Variants in GALNTL6 observed in about 807,000 individuals in gnomAD.
GALNTL6 encodes polypeptide N-acetylgalactosaminyltransferase like 6, also known as polypeptide N-acetylgalactosaminyltransferase-like 6.
In GALNTL6, 46 loss-of-function variants were observed where a neutral mutation model predicts 73.7. The observed-to-expected ratio is 0.62, with a 90% CI of 0.49 to 0.80. The LOEUF (loss-of-function observed/expected upper bound fraction) is 0.80. Ranked by LOEUF, GALNTL6 falls within the 30% of genes least tolerant of loss-of-function variation. The pLI, the probability that GALNTL6 is intolerant of heterozygous loss-of-function variation, is 0.00. For missense variants in GALNTL6, 604 were observed against 755.0 expected, an observed-to-expected ratio of 0.80 and a Z score of 2.34; for synonymous variants, 259 against 263.7, an observed-to-expected ratio of 0.98 and a Z score of 0.17.
intron 5 of GALNTL6, among the ~76,000 whole-genome samples, chr4:172,697,382 G>T (rs538863386): frequency 6.6e-6 from 1 of 152,058 alleles, no homozygotes; most frequent in Non-Finnish European, 1.5e-5. Context: ...GACAAGCAGC[G>T]GAGATCTTGA....
At chr4:172,293,590 G>A (rs1739548648) in intron 3 of GALNTL6, among the ~76,000 whole-genome samples, 1 of 151,992 alleles carries the variant, frequency 6.6e-6, no homozygotes, top group Non-Finnish European at 1.5e-5. Context: ...CACCAGCACT[G>A]ACCTCTGTTC....
intron 5 of GALNTL6, among the ~76,000 whole-genome samples, chr4:172,807,575 C>T (rs1741037104): frequency 6.6e-6 from 1 of 152,100 alleles, no homozygotes; most frequent in Non-Finnish European, 1.5e-5. Flanking sequence ...AAAAACAATC[C>T]CCTAAATCCT....
intron 2 of GALNTL6, among the ~76,000 whole-genome samples, chr4:172,075,250 T>C (rs1208789249): frequency 2.6e-5 from 4 of 152,178 alleles, no homozygotes; most frequent in African/African-American, 9.6e-5. Context: ...TTTTTAAATA[T>C]TATAGGATTT....
At chr4:172,803,847 A>C (rs1424454403) in intron 5 of GALNTL6, among the ~76,000 whole-genome samples, 1 of 152,230 alleles carries the variant, frequency 6.6e-6, no homozygotes, top group African/African-American at 2.4e-5. Context: ...TACTAGAAGC[A>C]ATTAAACATG....
chr4:172,998,479 T>C (rs1191981150), intron 10 of GALNTL6, among the ~76,000 whole-genome samples: 1 of 152,204 alleles, frequency 6.6e-6, no homozygotes, highest in Non-Finnish European at 1.5e-5. Flanking sequence ...TTTTCTCCTG[T>C]ATATATCATT....
intron 2 of GALNTL6, among the ~76,000 whole-genome samples, chr4:171,832,187 G>T (rs370280639): frequency 1.3e-5 from 2 of 151,120 alleles, no homozygotes; most frequent in Non-Finnish European, 3.0e-5. Context: ...TTAAAATAAT[G>T]TGTTTTTAAA....
chr4:172,944,169 T>C (rs989049520), intron 9 of GALNTL6, among the ~76,000 whole-genome samples: 3 of 152,176 alleles, frequency 2.0e-5, no homozygotes, highest in Non-Finnish European at 4.4e-5. Context: ...TCAAAGGCAC[T>C]GTTAAGAGAA....
chr4:171,943,412 A>G lies in GALNTL6; in HGVS notation c.138+128694A>G, dbSNP rs1738607244. Among the ~76,000 whole-genome samples the G allele has an allele frequency of 5.9e-5, 9 of 152,170 alleles. 1 individual carries two copies. The South Asian group carries it at 1.9e-3, about 32-fold the overall frequency. On this transcript the variant is annotated intron_variant, in intron 2 of 12. Transcript: ENST00000506823. Reference sequence around the variant, plus strand: ...ATTTCCAAGTTAGAGATGGAATTTTACTTCTTGATTGCTGAAATTCTTCTA... The same window carrying G: ...ATTTCCAAGTTAGAGATGGAATTTTGCTTCTTGATTGCTGAAATTCTTCTA...
chr4:172,000,699 C>G (rs572950336), intron 2 of GALNTL6, among the ~76,000 whole-genome samples: 1 of 152,198 alleles, frequency 6.6e-6, no homozygotes, highest in African/African-American at 2.4e-5. Flanking sequence ...TCCACAGACA[C>G]CTGTGCCTTG....
chr4:172,228,055 A>G (rs187052804), intron 2 of GALNTL6, among the ~76,000 whole-genome samples: 2 of 152,256 alleles, frequency 1.3e-5, no homozygotes, highest in East Asian at 3.9e-4. Context: ...TGGGTTACAT[A>G]TTTCATATTC....
intron 5 of GALNTL6, among the ~76,000 whole-genome samples, chr4:172,770,797 G>C (rs866115807): frequency 6.6e-6 from 1 of 152,086 alleles, no homozygotes; most frequent in South Asian, 2.1e-4. Context: ...TATTGATCTT[G>C]TTCTAATTAC....
In GALNTL6 at chr4:171,976,676, G is replaced by T. The variant is rs185364997; in HGVS notation, c.138+161958G>T. Among the ~76,000 whole-genome samples, 176 of 152,222 alleles carry T rather than the reference G, an allele frequency of 1.2e-3. 1 individual carries two copies. Among genetic ancestry groups the T allele is most frequent in the Non-Finnish European group, 2.1e-3 (141 of 68,008 alleles). ...TAAATCTGCATTCTCAAGATTTTTG[G>T]GGTAAAGAGATATGTGGTCATATCC... On this transcript the variant is annotated intron_variant, in intron 2 of 12. Transcript: ENST00000506823.
intron 5 of GALNTL6, among the ~76,000 whole-genome samples, chr4:172,432,813 T>C (rs894957209): frequency 6.6e-6 from 1 of 152,072 alleles, no homozygotes; most frequent in Non-Finnish European, 1.5e-5. Context: ...AAAACAAAAT[T>C]TTTTAACAAA....
chr4:171,879,230 G>T (rs950533283), intron 2 of GALNTL6, among the ~76,000 whole-genome samples: 1 of 152,148 alleles, frequency 6.6e-6, no homozygotes, highest in Non-Finnish European at 1.5e-5. Flanking sequence ...CCTTAAAAAT[G>T]ATGCTTTGAG....
intron 3 of GALNTL6, among the ~76,000 whole-genome samples, chr4:172,241,602 A>T (rs1737436560): frequency 6.6e-6 from 1 of 152,226 alleles, no homozygotes; most frequent in African/African-American, 2.4e-5. Flanking sequence ...TATTGGTAGA[A>T]GAAGGGTATG....
chr4:172,105,633 A>C (rs1732654630), intron 2 of GALNTL6, among the ~76,000 whole-genome samples: 1 of 152,112 alleles, frequency 6.6e-6, no homozygotes, highest in South Asian at 2.1e-4. Context: ...AAAAGTTATA[A>C]AGGGGCATCA....
At chr4:172,733,611 T>C (rs1736279016) in intron 5 of GALNTL6, among the ~76,000 whole-genome samples, 1 of 152,170 alleles carries the variant, frequency 6.6e-6, no homozygotes, top group African/African-American at 2.4e-5. Context: ...GTTCTCATGA[T>C]AGTGAATAAG....
At chr4:172,355,631 G>T (rs184341408) in intron 5 of GALNTL6, among the ~76,000 whole-genome samples, 2 of 152,018 alleles carry the variant, frequency 1.3e-5, no homozygotes, top group Non-Finnish European at 1.5e-5. Context: ...ACTATTACTC[G>T]ATTGTCTTTA....
chr4:172,668,088 G>C (rs895539506), intron 5 of GALNTL6: 1 of 152,060 alleles, frequency 6.6e-6, no homozygotes, highest in Non-Finnish European at 1.5e-5. Flanking sequence ...GTTTGAGAAG[G>C]TATATTTGTA....
Sources: allele counts gnomAD v4.1 joint callset (sites outside exome capture counted in the v4.1 genomes callset), GRCh38; gene constraint gnomAD v4.1.1; transcripts MANE v1.5; gene names NCBI Gene and HGNC (gene_info 2026-07-23, HGNC 2026-07-21).